The following MACF1 variants were observed in gnomAD, a reference collection of about 807,000 sequenced individuals.
The protein encoded by MACF1 is microtubule actin crosslinking factor 1, also known as microtubule-actin cross-linking factor 1.
In MACF1, 193 loss-of-function variants were observed where a neutral mutation model predicts 854.8. The observed-to-expected ratio is 0.23, with a 90% confidence interval of 0.20 to 0.25. The LOEUF (loss-of-function observed/expected upper bound fraction) is 0.25. Among genes scored for constraint, MACF1 ranks in the 10% least tolerant of loss-of-function variants. The pLI is 1.00. For missense variants in MACF1, 7,722 were observed against 8,929.1 expected, an observed-to-expected ratio of 0.86 and a Z score of 5.45; for synonymous variants, 3,185 against 3,226.7, an observed-to-expected ratio of 0.99 and a Z score of 0.44.
At chr1:39,276,038 A>G (rs560676134) in intron 6 of MACF1, among the ~76,000 whole-genome samples, 7 of 151,946 alleles carry the variant, frequency 4.6e-5, no homozygotes, top group Non-Finnish European at 1.0e-4. Flanking sequence ...TCGTGCCTCA[A>G]CTTGCCAAGT....
chr1:39,299,756 TTAAA>T (rs1204266835), intron 21 of MACF1, among the ~76,000 whole-genome samples: 1 of 152,190 alleles, frequency 6.6e-6, no homozygotes, highest in Non-Finnish European at 1.5e-5. Flanking sequence ...TTTTAAAAAT[TTAAA>T]TAAGTATAAC....
intron 2 of MACF1, among the ~76,000 whole-genome samples, chr1:39,091,359 G>A (rs1023681727): frequency 4.1e-4 from 63 of 152,186 alleles, no homozygotes; most frequent in Non-Finnish European, 8.2e-4. Context: ...ACCCTGGGAC[G>A]TTAGTCACTT....
At chr1:39,229,966 C>T (rs535174361) in intron 1 of MACF1, among the ~76,000 whole-genome samples, 1 of 152,282 alleles carries the variant, frequency 6.6e-6, no homozygotes, top group South Asian at 2.1e-4. Flanking sequence ...TGGTCTCCAA[C>T]TCTTGAGCTC....
chr1:39,278,504 C>G (rs944470585), intron 6 of MACF1, among the ~76,000 whole-genome samples: 3 of 152,154 alleles, frequency 2.0e-5, no homozygotes, highest in Admixed American at 1.3e-4. Flanking sequence ...AAGATTATGG[C>G]TGTAATGAAC....
At chr1:39,278,906 A>C (rs149912952) in intron 6 of MACF1, among the ~76,000 whole-genome samples, 56 of 152,322 alleles carry the variant, frequency 3.7e-4, no homozygotes, top group African/African-American at 1.3e-3. Flanking sequence ...AAACTGACTC[A>C]CACTGATCAC....
chr1:39,222,576 TC>T (rs1363571482), intron 1 of MACF1, among the ~76,000 whole-genome samples: 3 of 152,218 alleles, frequency 2.0e-5, no homozygotes, highest in Non-Finnish European at 4.4e-5. Flanking sequence ...CATGAACACC[TC>T]CTACCTCTCT....
chr1:39,277,457 A>T (rs1022904456), intron 6 of MACF1, among the ~76,000 whole-genome samples: 1 of 152,210 alleles, frequency 6.6e-6, no homozygotes, highest in Non-Finnish European at 1.5e-5. Context: ...ATGTGTAAAT[A>T]AATTTCTAAA....
intron 85 of MACF1, among the ~76,000 whole-genome samples, chr1:39,451,732 A>G (rs1644345066): frequency 6.6e-6 from 1 of 152,346 alleles, no homozygotes; most frequent in East Asian, 1.9e-4. Context: ...TTTATTTCCC[A>G]TAATTCTGGA....
At chr1:39,258,631 C>T (rs1182889159) in intron 6 of MACF1, among the ~76,000 whole-genome samples, 1 of 152,178 alleles carries the variant, frequency 6.6e-6, no homozygotes, top group East Asian at 1.9e-4. Context: ...TGGAAAAGTA[C>T]AGCCCTATTT....
intron 2 of MACF1, among the ~76,000 whole-genome samples, chr1:39,134,646 C>CATCT (rs1643118009): frequency 6.6e-6 from 1 of 152,216 alleles, no homozygotes; most frequent in South Asian, 2.1e-4. Flanking sequence ...TGGTGATAAC[C>CATCT]ATCTTGCAGG....
intron 88 of MACF1, 62 bp downstream of exon 88, chr1:39,453,912 T>C (rs933121404): frequency 1.8e-5 from 28 of 1,530,432 alleles, no homozygotes; most frequent in Non-Finnish European, 2.4e-5. Context: ...TAGTATAGTA[T>C]AGTATTTTTC....
rs1422277110 is a variant in MACF1, at chr1:39,327,214, C to T, written c.4479-4C>T. On this transcript the variant is annotated splice_region_variant and splice_polypyrimidine_tract_variant and intron_variant, in intron 35 of 100. Transcript: ENST00000564288. ...TAAAAAAGCTTTAATGCTTCATCTT[C>T]CAGGCTCTCAGAAAAAGAGAAGAAA... The T allele has an allele frequency of 1.3e-6, 2 of 1,563,002 alleles. No homozygotes were observed. Among genetic ancestry groups the T allele is most frequent in the Non-Finnish European group, 8.8e-7 (1 of 1,142,690 alleles).
chr1:39,420,453 T>G (rs2148632879), intron 58 of MACF1, among the ~76,000 whole-genome samples: 1 of 152,236 alleles, frequency 6.6e-6, no homozygotes, highest in East Asian at 1.9e-4. Flanking sequence ...CTGGGAACCA[T>G]GTTGTTGGAG....
intron 58 of MACF1, among the ~76,000 whole-genome samples, chr1:39,392,832 G>A (rs1270489134): frequency 6.6e-6 from 1 of 152,140 alleles, no homozygotes; most frequent in African/African-American, 2.4e-5. Context: ...TGGCAGACCA[G>A]ATTCTATCAC....
At chr1:39,437,609 G>T in intron 70 of MACF1, 168 bp from the exon 71 acceptor site, 1 of 647,388 alleles carries the variant, frequency 1.5e-6, no homozygotes, top group Admixed American at 2.1e-5. Context: ...ACCACCCCTG[G>T]CCCAAAACAG....
At chr1:39,101,455 C>T (rs781309687) in intron 2 of MACF1, among the ~76,000 whole-genome samples, 18 of 151,372 alleles carry the variant, frequency 1.2e-4, no homozygotes, top group Non-Finnish European at 2.7e-4. Flanking sequence ...TCGTGAACTC[C>T]TGGGCTCAAG....
chr1:39,419,176 T>C, intron 58 of MACF1, among the ~76,000 whole-genome samples: 1 of 152,242 alleles, frequency 6.6e-6, no homozygotes, highest in Non-Finnish European at 1.5e-5. Context: ...CTGTTCACTT[T>C]TATTCAAAAT....
chr1:39,426,544 A>ATT (rs1643732400), intron 61 of MACF1, among the ~76,000 whole-genome samples: 3 of 152,212 alleles, frequency 2.0e-5, no homozygotes, highest in African/African-American at 7.2e-5. Flanking sequence ...GTTCCTTGTC[A>ATT]GGCTATCTCC....
Position 39,300,198 on chromosome 1 carries a change from A to G in MACF1, c.2482-12A>G, listed in dbSNP as rs1467666055. On this transcript the variant is annotated splice_polypyrimidine_tract_variant and intron_variant, in intron 21 of 100. Coordinates refer to ENST00000564288, the MANE Select transcript of MACF1 (RefSeq NM_001394062.1). Reference sequence around the variant, plus strand: ...GCATTAATGTCATTTTGTTTTTCTTATCATTTTGTAGGATGAAAAGGAGCA... The same window carrying G: ...GCATTAATGTCATTTTGTTTTTCTTGTCATTTTGTAGGATGAAAAGGAGCA... 2 of 1,609,374 alleles carry G rather than the reference A, an allele frequency of 1.2e-6. No individual in the cohort carries two copies. Among genetic ancestry groups the G allele is most frequent in the African/African-American group, 1.3e-5 (1 of 74,530 alleles).
Sources: allele counts gnomAD v4.1 joint callset (sites outside exome capture counted in the v4.1 genomes callset), GRCh38; gene constraint gnomAD v4.1.1; transcripts MANE v1.5; gene names NCBI Gene and HGNC (gene_info 2026-07-23, HGNC 2026-07-21).